Variants in RNF13 observed in about 807,000 individuals in gnomAD.
RNF13 encodes the protein E3 ubiquitin-protein ligase RNF13.
In RNF13, 19 loss-of-function variants were observed where a neutral mutation model predicts 37.7. The observed-to-expected ratio is 0.50, with a 90% CI of 0.35 to 0.74. The LOEUF is 0.74. RNF13 is among the 30% of genes least tolerant of loss of function. The pLI, the probability that RNF13 is intolerant of heterozygous loss-of-function variation, is 0.01. For missense variants in RNF13, 375 were observed against 453.0 expected, an observed-to-expected ratio of 0.83 and a Z score of 1.56; for synonymous variants, 144 against 157.8, an observed-to-expected ratio of 0.91 and a Z score of 0.65.
At position 149,961,283 on chromosome 3, in the gene RNF13, A is replaced by T; in HGVS notation, c.*179A>T. The T allele has an allele frequency of 1.5e-6, 1 of 680,268 alleles. No individual in the cohort carries two copies. The allele number at this position is 680,268 out of a possible 1,614,324, so 42.1% of individuals were successfully genotyped here. On this transcript the variant is annotated 3_prime_UTR_variant, in exon 10 of 10. Transcript: ENST00000392894. ...TATTTATCTGCCAAGAATATACTTC[A>T]TTCACTAATAATAGACTGGTGCTGT...
At chr3:149,922,001 T>C (rs1024540131) in intron 8 of RNF13, among the ~76,000 whole-genome samples, 7 of 151,610 alleles carry the variant, frequency 4.6e-5, no homozygotes, top group African/African-American at 1.7e-4. Flanking sequence ...TGAGACGGAG[T>C]CTCACTCTGT....
chr3:149,940,882 T>A (rs1486325091), intron 8 of RNF13, among the ~76,000 whole-genome samples: 1 of 152,168 alleles, frequency 6.6e-6, no homozygotes, highest in African/African-American at 2.4e-5. Context: ...GCTAACCACA[T>A]TTCTGCTGTT....
intron 8 of RNF13, 81 bp from the exon 9 acceptor site, chr3:149,959,975 C>T: frequency 1.2e-6 from 1 of 854,970 alleles, no homozygotes; most frequent in Non-Finnish European, 1.9e-6. Flanking sequence ...AAGATAAATA[C>T]ATCAAAAGGC....
At chr3:149,898,643 G>T (rs747433707) in intron 5 of RNF13, among the ~76,000 whole-genome samples, 4 of 152,126 alleles carry the variant, frequency 2.6e-5, no homozygotes, top group Non-Finnish European at 4.4e-5. Context: ...GGCCTGTTAA[G>T]TGTCTAGAGG....
At chr3:149,813,111 C>G (rs769128517), upstream of RNF13, 1 of 152,260 alleles carries the variant, frequency 6.6e-6, no homozygotes, top group African/African-American at 2.4e-5. Flanking sequence ...CGAGACTCCG[C>G]GTGAGAGTGG....
At chr3:149,893,638 G>A (rs1476018989) in intron 4 of RNF13, among the ~76,000 whole-genome samples, 1 of 152,152 alleles carries the variant, frequency 6.6e-6, no homozygotes, top group Non-Finnish European at 1.5e-5. Context: ...AATAATCAAA[G>A]TTTATAGACT....
intron 1 of RNF13, among the ~76,000 whole-genome samples, chr3:149,817,054 G>A (rs991949892): frequency 1.3e-5 from 2 of 152,106 alleles, no homozygotes; most frequent in African/African-American, 4.8e-5. Context: ...AGGATGATAG[G>A]GAGTTTACTT....
At chr3:149,816,557 A>G (rs1252676875) in intron 1 of RNF13, among the ~76,000 whole-genome samples, 1 of 150,358 alleles carries the variant, frequency 6.7e-6, no homozygotes, top group African/African-American at 2.4e-5. Context: ...CATTTGAAAG[A>G]TTGTTAGCAG....
intron 8 of RNF13, among the ~76,000 whole-genome samples, chr3:149,944,424 A>C (rs910550273): frequency 6.6e-6 from 1 of 152,216 alleles, no homozygotes; most frequent in African/African-American, 2.4e-5. Context: ...ACTAGTTTAC[A>C]GTCCCACCAA....
At chr3:149,888,571 T>C (rs1714304559) in intron 4 of RNF13, among the ~76,000 whole-genome samples, 1 of 152,274 alleles carries the variant, frequency 6.6e-6, no homozygotes, top group Non-Finnish European at 1.5e-5. Context: ...AAAACAGCAC[T>C]ATAATTCAGA....
rs527364572 is a variant in RNF13 at position 149,840,417 on chromosome 3, T to C, written c.-16-5594T>C. 4.4e-4 allele frequency among the ~76,000 whole-genome samples: 67 copies of C among 152,290 alleles called. 1 individual carries two copies. In the South Asian group the frequency reaches 0.013, roughly 29 times the overall value. On this transcript the variant is annotated intron_variant, in intron 1 of 9. Transcript: ENST00000392894. ...CAGAGTTATATTCTGTCTTTGGTAA[T>C]ATGAGTGGGAGGACGAGGGGCACAA...
intron 1 of RNF13, among the ~76,000 whole-genome samples, chr3:149,816,487 C>T (rs1719463943): frequency 2.7e-5 from 4 of 149,088 alleles, no homozygotes; most frequent in Admixed American, 1.3e-4. Context: ...AATCAGATGG[C>T]GTATATGTTT....
chr3:149,874,093 T>C (rs775554749), intron 4 of RNF13, among the ~76,000 whole-genome samples: 6 of 152,228 alleles, frequency 3.9e-5, no homozygotes, highest in Non-Finnish European at 8.8e-5. Flanking sequence ...CTCATTGTAC[T>C]TTACCATGTA....
At chr3:149,933,588 T>C (rs962729280) in intron 8 of RNF13, among the ~76,000 whole-genome samples, 6 of 144,746 alleles carry the variant, frequency 4.1e-5, no homozygotes, top group East Asian at 2.0e-4. Flanking sequence ...CTTTCTTCTT[T>C]TTTTTTTTTT....
At chr3:149,838,621 C>T (rs1012729188) in intron 1 of RNF13, among the ~76,000 whole-genome samples, 12 of 152,192 alleles carry the variant, frequency 7.9e-5, no homozygotes, top group South Asian at 2.1e-4. Flanking sequence ...ATGCAGGGCA[C>T]CAAGTCCCAA....
At chr3:149,840,323 C>G (rs1187204621) in intron 1 of RNF13, among the ~76,000 whole-genome samples, 1 of 152,080 alleles carries the variant, frequency 6.6e-6, no homozygotes. Flanking sequence ...CTTGTATATT[C>G]TCTACTTTGA....
chr3:149,849,757 AAATT>A (rs1312207396), intron 2 of RNF13, among the ~76,000 whole-genome samples: 1 of 152,334 alleles, frequency 6.6e-6, no homozygotes, highest in African/African-American at 2.4e-5. Context: ...AGGATTAAAT[AAATT>A]ATTACCTGTA....
At chr3:149,856,643 A>G (rs115504550) in intron 3 of RNF13, among the ~76,000 whole-genome samples, 2,755 of 151,996 alleles carry the variant, frequency 0.018, 91 homozygotes, top group African/African-American at 0.063. Context: ...GAATCTTGCT[A>G]TGTTTCCCAG....
intron 7 of RNF13, among the ~76,000 whole-genome samples, chr3:149,915,441 A>G (rs1458153773): frequency 6.6e-6 from 1 of 152,198 alleles, no homozygotes; most frequent in African/African-American, 2.4e-5. Flanking sequence ...CCACTAAAGA[A>G]TACAGTATGG....
Sources: allele counts gnomAD v4.1 joint callset (sites outside exome capture counted in the v4.1 genomes callset), GRCh38; gene constraint gnomAD v4.1.1; transcripts MANE v1.5; gene names NCBI Gene and HGNC (gene_info 2026-07-23, HGNC 2026-07-21).